The following SKAP1 variants were observed in gnomAD, a reference collection of about 807,000 sequenced individuals.
The protein encoded by SKAP1 is src kinase-associated phosphoprotein 1.
Under a neutral mutation model 58.5 loss-of-function variants are expected in SKAP1, and 44 were observed. The ratio of observed to expected loss-of-function variants is 0.75; its 90% CI spans 0.59 to 0.97. SKAP1 has a LOEUF of 0.97. Among genes scored for constraint, SKAP1 ranks in the 50% least tolerant of loss-of-function variants. SKAP1 has a pLI of 0.00. For missense variants in SKAP1, 390 were observed against 435.2 expected (o/e 0.90, Z 0.92); for synonymous variants, 127 against 149.7 (o/e 0.85, Z 1.11).
At chr17:48,161,459 T>G (rs1381475971) in intron 11 of SKAP1, among the ~76,000 whole-genome samples, 1 of 152,214 alleles carries the variant, frequency 6.6e-6, no homozygotes, top group Non-Finnish European at 1.5e-5. Context: ...CTATAGAATA[T>G]GTATGGTCTT....
At chr17:48,163,308 C>T (rs60799053) in intron 10 of SKAP1, among the ~76,000 whole-genome samples, 5 of 152,230 alleles carry the variant, frequency 3.3e-5, no homozygotes, top group African/African-American at 7.2e-5. Flanking sequence ...CAACTGAAGA[C>T]GACAAACCAA....
At chr17:48,400,102 T>C (rs991519941) in intron 1 of SKAP1, among the ~76,000 whole-genome samples, 13 of 81,852 alleles carry the variant, frequency 1.6e-4, no homozygotes, top group Non-Finnish European at 2.3e-4. Flanking sequence ...TTTTCTTTTC[T>C]TTTTTTTTTT....
At chr17:48,148,315 A>G (rs1270631851) in intron 11 of SKAP1, among the ~76,000 whole-genome samples, 1 of 152,232 alleles carries the variant, frequency 6.6e-6, no homozygotes, top group Non-Finnish European at 1.5e-5. Context: ...AAAGAAGCAC[A>G]CAACTTTACC....
intron 9 of SKAP1, among the ~76,000 whole-genome samples, chr17:48,174,759 AT>A (rs2064266696): frequency 6.6e-6 from 1 of 152,230 alleles, no homozygotes; most frequent in Admixed American, 6.5e-5. Context: ...GTGAATTAAA[AT>A]TTATGTGCTA....
intron 1 of SKAP1, among the ~76,000 whole-genome samples, chr17:48,410,513 C>T (rs1044802477): frequency 2.0e-5 from 3 of 152,032 alleles, no homozygotes; most frequent in Non-Finnish European, 4.4e-5. Flanking sequence ...ATGGCTGATT[C>T]TAGGACTGGG....
intron 1 of SKAP1, among the ~76,000 whole-genome samples, chr17:48,404,601 G>A (rs57583172): frequency 0.2 from 30,143 of 152,124 alleles, 3,794 homozygotes; most frequent in South Asian, 0.37. Context: ...ATCCTTGACA[G>A]TGATAATTAA....
intron 1 of SKAP1, among the ~76,000 whole-genome samples, chr17:48,406,021 C>T (rs1206648162): frequency 6.6e-6 from 1 of 152,044 alleles, no homozygotes; most frequent in Admixed American, 6.6e-5. Flanking sequence ...AATCCCAGCA[C>T]TTTGGGAGGC....
intron 4 of SKAP1, among the ~76,000 whole-genome samples, chr17:48,280,675 A>G (rs904183375): frequency 2.0e-5 from 3 of 151,828 alleles, no homozygotes; most frequent in African/African-American, 7.3e-5. Context: ...TAGTCAATCC[A>G]CTCTTTCTAT....
At chr17:48,346,411 G>C (rs1158204651) in intron 3 of SKAP1, among the ~76,000 whole-genome samples, 1 of 152,032 alleles carries the variant, frequency 6.6e-6, no homozygotes, top group African/African-American at 2.4e-5. Context: ...ATCACCTGAG[G>C]GCAGGAGTTC....
chr17:48,196,431 G>C (rs2143575744), intron 4 of SKAP1, among the ~76,000 whole-genome samples: 1 of 152,092 alleles, frequency 6.6e-6, no homozygotes, highest in African/African-American at 2.4e-5. Flanking sequence ...TTAGAATCGG[G>C]GTACATGTGT....
intron 4 of SKAP1, among the ~76,000 whole-genome samples, chr17:48,191,395 A>G (rs1483325218): frequency 1.3e-5 from 2 of 152,244 alleles, no homozygotes; most frequent in East Asian, 3.8e-4. Flanking sequence ...TAAATAATTT[A>G]TGAAGCAAAC....
chr17:48,179,800 G>A (rs558887142), intron 9 of SKAP1, among the ~76,000 whole-genome samples: 1 of 152,268 alleles, frequency 6.6e-6, no homozygotes, highest in South Asian at 2.1e-4. Context: ...TCTTTAACCT[G>A]GTGGACACAT....
chr17:48,444,788 A>C, the SKAP1 span, among the ~76,000 whole-genome samples: 1 of 152,218 alleles, frequency 6.6e-6, no homozygotes, highest in Non-Finnish European at 1.5e-5. Flanking sequence ...GACAGGAGGA[A>C]GCCCAGTCCA....
At chr17:48,223,112 A>C (rs1045169513) in intron 4 of SKAP1, among the ~76,000 whole-genome samples, 1 of 147,492 alleles carries the variant, frequency 6.8e-6, no homozygotes, top group Non-Finnish European at 1.5e-5. Flanking sequence ...GCATGGTTTG[A>C]AGTCAAGCTT....
chr17:48,197,135 G>A (rs1426831094), intron 4 of SKAP1, among the ~76,000 whole-genome samples: 2 of 151,756 alleles, frequency 1.3e-5, no homozygotes, highest in African/African-American at 4.8e-5. Flanking sequence ...GTGCACACCT[G>A]TAATCCCAGC....
chr17:48,267,930 T>C (rs180831272), intron 4 of SKAP1, among the ~76,000 whole-genome samples: 157 of 152,332 alleles, frequency 1.0e-3, no homozygotes, highest in East Asian at 5.8e-4. Context: ...CATTATTATC[T>C]TGTGTTTGTA....
chr17:48,291,616 T>C (rs2065897544), intron 4 of SKAP1, among the ~76,000 whole-genome samples: 1 of 152,212 alleles, frequency 6.6e-6, no homozygotes, highest in Non-Finnish European at 1.5e-5. Context: ...TTACACCAAG[T>C]GCCATCTGGC....
chr17:48,283,312 A>C (rs1392374687), intron 4 of SKAP1, among the ~76,000 whole-genome samples: 2 of 152,226 alleles, frequency 1.3e-5, no homozygotes, highest in East Asian at 1.9e-4. Flanking sequence ...AGATGTAATA[A>C]GAAAAATAAA....
At chr17:48,211,296 T>A (rs966552972) in intron 4 of SKAP1, among the ~76,000 whole-genome samples, 2 of 152,050 alleles carry the variant, frequency 1.3e-5, no homozygotes, top group African/African-American at 2.4e-5. Flanking sequence ...AATTTTTTTT[T>A]AATAGAAGTT....
Sources: gnomAD v4.1 joint callset for allele counts (sites outside exome capture counted in the v4.1 genomes callset) on GRCh38, gnomAD v4.1.1 for gene constraint, MANE v1.5 for transcripts, NCBI Gene and HGNC (gene_info 2026-07-23, HGNC 2026-07-21) for gene names.